GALNT17: variants seen among roughly 807,000 people sequenced by gnomAD.
GALNT17 encodes the protein UDP-GalNAc:polypeptide N-acetylgalactosaminyltransferase-like 3.
GALNT17 carries 29 observed loss-of-function variants against 63.7 expected under a neutral mutation model. The observed-to-expected ratio is 0.46, with a 90% CI of 0.34 to 0.62. The LOEUF (loss-of-function observed/expected upper bound fraction) is 0.62, where lower values mean the gene tolerates loss of function less well. Among genes scored for constraint, GALNT17 ranks in the 20% least tolerant of loss-of-function variants. GALNT17 has a pLI of 0.01. For synonymous variants in GALNT17, 305 were observed against 318.3 expected, an observed-to-expected ratio of 0.96 and a Z score of 0.45; for missense variants, 603 against 799.6, an observed-to-expected ratio of 0.75 and a Z score of 2.97.
intron 1 of GALNT17, among the ~76,000 whole-genome samples, chr7:71,192,557 G>A (rs1006992575): frequency 6.6e-6 from 1 of 151,854 alleles, no homozygotes; most frequent in African/African-American, 2.4e-5. Flanking sequence ...CACTATGCCT[G>A]GCTAATTTTT....
intron 6 of GALNT17, among the ~76,000 whole-genome samples, chr7:71,604,664 A>G (rs1483040914): frequency 1.3e-5 from 2 of 152,176 alleles, no homozygotes; most frequent in African/African-American, 4.8e-5. Flanking sequence ...GCTTTAATAC[A>G]ATGCTTCCCT....
intron 5 of GALNT17, among the ~76,000 whole-genome samples, chr7:71,494,416 G>T (rs1788060078): frequency 1.3e-5 from 2 of 152,090 alleles, no homozygotes; most frequent in Non-Finnish European, 2.9e-5. Context: ...TGTGATCATA[G>T]CTCACTGCAG....
At chr7:71,527,763 G>A (rs956915865) in intron 5 of GALNT17, among the ~76,000 whole-genome samples, 7 of 152,064 alleles carry the variant, frequency 4.6e-5, no homozygotes, top group East Asian at 1.9e-4. Flanking sequence ...GTGTGTATGC[G>A]CACGCGTGCA....
At chr7:71,698,279 T>G (rs1464740579) in intron 9 of GALNT17, among the ~76,000 whole-genome samples, 1 of 152,098 alleles carries the variant, frequency 6.6e-6, no homozygotes, top group East Asian at 1.9e-4. Context: ...TTCTAAAGAA[T>G]GTACTGTAGG....
chr7:71,163,785 A>C (rs1788389108), intron 1 of GALNT17, among the ~76,000 whole-genome samples: 1 of 152,230 alleles, frequency 6.6e-6, no homozygotes, highest in Admixed American at 6.5e-5. Context: ...CAGTGACAGA[A>C]CTAAAGAGTT....
At chr7:71,452,984 A>G (rs2116555819) in intron 5 of GALNT17, among the ~76,000 whole-genome samples, 1 of 152,200 alleles carries the variant, frequency 6.6e-6, no homozygotes, top group South Asian at 2.1e-4. Context: ...TGCTCTTATT[A>G]TTCTGACTTC....
At chr7:71,363,223 T>C (rs549874736) in intron 2 of GALNT17, among the ~76,000 whole-genome samples, 6 of 152,142 alleles carry the variant, frequency 3.9e-5, no homozygotes, top group Non-Finnish European at 7.4e-5. Flanking sequence ...CACCTCGGCC[T>C]CCCAAAGTGC....
intron 1 of GALNT17, among the ~76,000 whole-genome samples, chr7:71,210,857 A>G (rs1380370462): frequency 1.3e-5 from 2 of 152,208 alleles, no homozygotes; most frequent in East Asian, 1.9e-4. Flanking sequence ...CATGTAGTAC[A>G]TTGTCAACAG....
At chr7:71,473,390 C>A (rs1044867421) in intron 5 of GALNT17, among the ~76,000 whole-genome samples, 2 of 152,130 alleles carry the variant, frequency 1.3e-5, no homozygotes, top group African/African-American at 2.4e-5. Flanking sequence ...ACACATTTTC[C>A]TCAGAAAAGA....
At chr7:71,289,937 C>T (rs576907524) in intron 1 of GALNT17, among the ~76,000 whole-genome samples, 222 of 149,858 alleles carry the variant, frequency 1.5e-3, no homozygotes, top group Admixed American at 4.6e-3. Context: ...CCCAGCTATT[C>T]GGGAGGCTGA....
chr7:71,335,838 GT>G, intron 2 of GALNT17, 105 bp downstream of exon 2: 1 of 1,047,528 alleles, frequency 9.5e-7, no homozygotes, highest in Non-Finnish European at 1.3e-6. Context: ...TCTTGGGGGA[GT>G]TTTTATTTTA....
At chr7:71,594,698 T>G in intron 6 of GALNT17, among the ~76,000 whole-genome samples, 1 of 152,164 alleles carries the variant, frequency 6.6e-6, no homozygotes, top group Admixed American at 6.5e-5. Flanking sequence ...ACCAGACAAG[T>G]AACACATGAG....
At chr7:71,372,220 A>C (rs1226099916) in intron 2 of GALNT17, among the ~76,000 whole-genome samples, 1 of 152,156 alleles carries the variant, frequency 6.6e-6, no homozygotes, top group Non-Finnish European at 1.5e-5. Context: ...GCCCGAGTGC[A>C]GTGGCACAAT....
At chr7:71,254,587 C>A (rs1790256788) in intron 1 of GALNT17, among the ~76,000 whole-genome samples, 1 of 152,084 alleles carries the variant, frequency 6.6e-6, no homozygotes. Flanking sequence ...TGTGCCTTCC[C>A]AAAGGAGGAG....
intron 1 of GALNT17, among the ~76,000 whole-genome samples, chr7:71,296,641 A>G (rs917498493): frequency 7.0e-6 from 1 of 142,898 alleles, no homozygotes; most frequent in Non-Finnish European, 1.5e-5. Flanking sequence ...ATATATATAT[A>G]TGTATATTTA....
chr7:71,671,181 T>C (rs1378314761), intron 8 of GALNT17, among the ~76,000 whole-genome samples: 1 of 152,128 alleles, frequency 6.6e-6, no homozygotes, highest in Non-Finnish European at 1.5e-5. Context: ...CATCTTCATA[T>C]AGAAACACTC....
intron 9 of GALNT17, among the ~76,000 whole-genome samples, chr7:71,701,854 T>TATAC (rs1562742498): frequency 5.1e-4 from 13 of 25,580 alleles, no homozygotes; most frequent in South Asian, 1.3e-3. Flanking sequence ...TATATATATA[T>TATAC]ACACATATAT....
chr7:71,326,515 A>C (rs1480548424), intron 1 of GALNT17, among the ~76,000 whole-genome samples: 2 of 152,200 alleles, frequency 1.3e-5, no homozygotes, highest in African/African-American at 4.8e-5. Flanking sequence ...ATCTCCCAAC[A>C]TTCCAACTTC....
intron 5 of GALNT17, among the ~76,000 whole-genome samples, chr7:71,524,116 C>CAAAGAA (rs200001930): frequency 0.014 from 2,110 of 150,400 alleles, 52 homozygotes; most frequent in African/African-American, 0.048. Flanking sequence ...GAATGTGTCT[C>CAAAGAA]AAAGAAAAAG....
Sources: allele counts gnomAD v4.1 joint callset (sites outside exome capture counted in the v4.1 genomes callset), GRCh38; gene constraint gnomAD v4.1.1; transcripts MANE v1.5; gene names NCBI Gene and HGNC (gene_info 2026-07-23, HGNC 2026-07-21).